Variants in SNAP91 observed in about 807,000 individuals in gnomAD.
The protein encoded by SNAP91 is clathrin coat assembly protein AP180.
Under a neutral mutation model 100.3 loss-of-function variants are expected in SNAP91, and 27 were observed. The ratio of observed to expected loss-of-function variants is 0.27; its 90% CI spans 0.20 to 0.37. SNAP91 has a LOEUF of 0.37. Ranked by LOEUF, SNAP91 falls within the 10% of genes least tolerant of loss-of-function variation. The probability of loss-of-function intolerance (pLI) is 1.00; values close to 1 mark genes in which losing one functional copy is unlikely to be tolerated. For missense variants in SNAP91, 986 were observed against 1,123.7 expected (o/e 0.88, Z 1.75); for synonymous variants, 404 against 398.6 (o/e 1.01, Z -0.16).
At chr6:83,656,363 T>C (rs917241046) in intron 7 of SNAP91, among the ~76,000 whole-genome samples, 3 of 152,212 alleles carry the variant, frequency 2.0e-5, no homozygotes, top group African/African-American at 7.2e-5. Context: ...CTAAACAGCA[T>C]AGGCTTCCCA....
At chr6:83,591,510 T>C (rs912742339) in intron 21 of SNAP91, among the ~76,000 whole-genome samples, 2 of 152,222 alleles carry the variant, frequency 1.3e-5, no homozygotes, top group Non-Finnish European at 2.9e-5. Context: ...AATACCTCTT[T>C]GTAAGATTAA....
intron 2 of SNAP91, among the ~76,000 whole-genome samples, chr6:83,685,748 C>A (rs541212735): frequency 2.0e-5 from 3 of 152,256 alleles, no homozygotes; most frequent in African/African-American, 7.2e-5. Flanking sequence ...GTGCATTAAA[C>A]AAAACTGAGG....
At chr6:83,571,155 A>G (rs1472377611) in intron 26 of SNAP91, among the ~76,000 whole-genome samples, 22 of 150,776 alleles carry the variant, frequency 1.5e-4, no homozygotes, top group Non-Finnish European at 5.9e-5. Flanking sequence ...ACAAGGCTGG[A>G]GTGCAGTGGC....
intron 12 of SNAP91, among the ~76,000 whole-genome samples, chr6:83,609,416 A>C (rs1445858543): frequency 6.6e-6 from 1 of 152,128 alleles, no homozygotes; most frequent in Admixed American, 6.5e-5. Context: ...GGAGCTTTTC[A>C]CTTGTTTGTT....
At chr6:83,589,159 A>T (rs752878527) in intron 22 of SNAP91, among the ~76,000 whole-genome samples, 3 of 152,196 alleles carry the variant, frequency 2.0e-5, no homozygotes, top group Non-Finnish European at 2.9e-5. Flanking sequence ...TTAAAATCTT[A>T]TTGCTGAACC....
At chr6:83,702,028 G>A (rs1334318228) in intron 2 of SNAP91, among the ~76,000 whole-genome samples, 1 of 151,812 alleles carries the variant, frequency 6.6e-6, no homozygotes, top group Non-Finnish European at 1.5e-5. Context: ...AAAAAAATAG[G>A]GTAACTCCCA....
At chr6:83,570,422 CAG>C (rs1299506774) in intron 26 of SNAP91, among the ~76,000 whole-genome samples, 8 of 152,110 alleles carry the variant, frequency 5.3e-5, no homozygotes, top group Admixed American at 5.2e-4. Context: ...AAATTCAAGC[CAG>C]CTGCATAAAT....
intron 8 of SNAP91, among the ~76,000 whole-genome samples, chr6:83,639,744 G>A (rs1357561292): frequency 6.6e-6 from 1 of 152,082 alleles, no homozygotes; most frequent in South Asian, 2.1e-4. Flanking sequence ...CCACATGCCA[G>A]CTCCTTACTT....
intron 2 of SNAP91, among the ~76,000 whole-genome samples, chr6:83,680,718 G>C (rs972732658): frequency 1.3e-5 from 2 of 152,098 alleles, no homozygotes; most frequent in Admixed American, 6.6e-5. Flanking sequence ...TTCATTATGA[G>C]GGGATGTCTT....
intron 14 of SNAP91, among the ~76,000 whole-genome samples, chr6:83,602,712 G>A (rs146560616): frequency 2.0e-4 from 31 of 152,130 alleles, no homozygotes; most frequent in Admixed American, 2.0e-4. Flanking sequence ...TCCCCCCAAA[G>A]CTGACTTTTC....
chr6:83,619,753 T>C (rs903695240), intron 9 of SNAP91, among the ~76,000 whole-genome samples: 1 of 152,170 alleles, frequency 6.6e-6, no homozygotes, highest in African/African-American at 2.4e-5. Flanking sequence ...AATGTACACA[T>C]GCCACAAACA....
intron 8 of SNAP91, among the ~76,000 whole-genome samples, chr6:83,639,321 A>G (rs1160641427): frequency 2.0e-5 from 3 of 152,176 alleles, no homozygotes; most frequent in African/African-American, 7.2e-5. Context: ...ACCACTCAAC[A>G]CTGGTATTCA....
In SNAP91 at chr6:83,626,174, C is replaced by T. The variant is rs148699799; in HGVS notation, c.766-2832G>A. 1.4e-3 allele frequency among the ~76,000 whole-genome samples: 212 copies of T among 151,872 alleles called. 2 individuals are homozygous for T. The highest frequency in any genetic ancestry group is 4.4e-3 in the African/African-American group (184 of 41,456). On this transcript the variant is annotated intron_variant, in intron 8 of 29. Transcript: ENST00000369694. ...ATCAAAGATCAGTGGTTTGTAGGTA[C>T]GCTGCTTTATTTCTGGGTTCTCTAT...
chr6:83,636,260 C>A (rs2128507670), intron 8 of SNAP91, among the ~76,000 whole-genome samples: 1 of 152,268 alleles, frequency 6.6e-6, no homozygotes, highest in African/African-American at 2.4e-5. Context: ...CAAATATGTT[C>A]TCCAAGTTGC....
chr6:83,660,740 T>C (rs1279756385), intron 5 of SNAP91, among the ~76,000 whole-genome samples: 2 of 148,288 alleles, frequency 1.3e-5, no homozygotes, highest in African/African-American at 5.0e-5. Flanking sequence ...TCACCTCAAT[T>C]AAAAAAAAAA....
intron 9 of SNAP91, among the ~76,000 whole-genome samples, chr6:83,622,363 G>T (rs2096763280): frequency 6.6e-6 from 1 of 151,938 alleles, no homozygotes; most frequent in Non-Finnish European, 1.5e-5. Context: ...TTATTTTAAA[G>T]ATGGAAACAT....
At chr6:83,672,702 T>C (rs961626687) in intron 2 of SNAP91, among the ~76,000 whole-genome samples, 3 of 152,266 alleles carry the variant, frequency 2.0e-5, no homozygotes, top group African/African-American at 7.2e-5. Flanking sequence ...TAAAATACTT[T>C]CATACTAAAA....
chr6:83,645,415 C>T lies in SNAP91; in HGVS notation c.659-4213G>A, dbSNP rs186549513. ...GCCATATTAGTTCCAAGTGATGAAC[C>T]TACATTGAACATCATTATCACCCCA... On this transcript the variant is annotated intron_variant, in intron 7 of 29. Transcript: ENST00000369694. Among the ~76,000 whole-genome samples the T allele has an allele frequency of 2.6e-5, 4 of 152,202 alleles. No individual in the cohort carries two copies. In the East Asian group the frequency reaches 7.7e-4, roughly 29 times the overall value.
intron 24 of SNAP91, among the ~76,000 whole-genome samples, chr6:83,577,460 TC>T (rs1820789890): frequency 6.6e-6 from 1 of 152,192 alleles, no homozygotes; most frequent in Non-Finnish European, 1.5e-5. Context: ...TTATGCCTGT[TC>T]ATGTGAAAAA....
Sources: gnomAD v4.1 joint callset for allele counts (sites outside exome capture counted in the v4.1 genomes callset) on GRCh38, gnomAD v4.1.1 for gene constraint, MANE v1.5 for transcripts, NCBI Gene and HGNC (gene_info 2026-07-23, HGNC 2026-07-21) for gene names.